Variants in MUC22 observed in about 807,000 individuals in gnomAD.
The protein encoded by MUC22 is mucin-22.
A neutral mutation model predicts 40.3 loss-of-function variants in MUC22; 24 were observed. The observed-to-expected ratio is 0.60, with a 90% confidence interval of 0.43 to 0.84. The LOEUF is 0.84. MUC22 is among the 40% of genes least tolerant of loss of function. The pLI is 0.00. For synonymous variants in MUC22, 765 were observed against 844.5 expected, an observed-to-expected ratio of 0.91 and a Z score of 1.63; for missense variants, 1,926 against 2,130.7, an observed-to-expected ratio of 0.90 and a Z score of 1.89.
chr6:31,029,806 T>C (rs1003145669), exon 2 of MUC22: 6 of 1,475,630 alleles, frequency 4.1e-6, no homozygotes, highest in Non-Finnish European at 4.5e-6. Flanking sequence ...CACCACAGCC[T>C]CCACTTCAGG....
intron 1 of MUC22, among the ~76,000 whole-genome samples, chr6:31,020,153 C>T (rs1764564251): frequency 6.6e-6 from 1 of 151,992 alleles, no homozygotes; most frequent in Non-Finnish European, 1.5e-5. Flanking sequence ...AAAAATCATA[C>T]CAAAGTACAA....
In MUC22 at chr6:31,011,980, T is replaced by C. The variant is rs1324169866; in HGVS notation, c.70+1204T>C. On this transcript the variant is annotated intron_variant, in intron 1 of 3. Transcript: ENST00000561890. This position sits in a 1 kb window ranked among gnomAD's most constrained non-coding sequence, Gnocchi z 4.5. The stretch of plus-strand genomic sequence containing the variant: ...GCCACTGAGGGGTTGGCTCTGACAT[T>C]GGATCAGCAATGGCTGTGAAAGGAA... 1.3e-5 allele frequency among the ~76,000 whole-genome samples: 2 copies of C among 152,180 alleles called. No homozygotes were observed. Among genetic ancestry groups the C allele is most frequent in the Non-Finnish European group, 2.9e-5 (2 of 68,026 alleles).
chr6:31,029,711 C>A, exon 2 of MUC22: 1 of 1,534,654 alleles, frequency 6.5e-7, no homozygotes, highest in South Asian at 1.2e-5. Context: ...GAGGCCACCA[C>A]CACCTCTACT....
At chr6:31,031,880 G>T (rs113454287) in intron 2 of MUC22, among the ~76,000 whole-genome samples, 4,071 of 152,184 alleles carry the variant, frequency 0.027, 86 homozygotes, top group African/African-American at 0.047. Flanking sequence ...TTCTATTTGG[G>T]TGGCCACTTC....
chr6:31,006,159 G>T, upstream of MUC22: 1 of 388,256 alleles, frequency 2.6e-6, no homozygotes, highest in Non-Finnish European at 5.0e-6. Context: ...ATATTTTCTT[G>T]AAAATATGGA....
At chr6:31,029,119 A>T (rs1048336098) in exon 2 of MUC22, 4 of 1,534,518 alleles carry the variant, frequency 2.6e-6, no homozygotes, top group Non-Finnish European at 2.6e-6. Context: ...CACGGCCTCT[A>T]CTGCAGGCTC....
rs183466833 is a variant in MUC22, at chr6:31,017,560, A to T, written c.70+6784A>T. ...TAGCTAAGGGATTGTAAATACACCA[A>T]TCAGCACCCTGTGTCTCGCTCAAGG... is the stretch of plus-strand genomic sequence containing the variant. On this transcript the variant is annotated intron_variant, in intron 1 of 3. Coordinates refer to ENST00000561890, the Ensembl canonical transcript of MUC22. 2.0e-3 allele frequency among the ~76,000 whole-genome samples: 309 copies of T among 152,276 alleles called. 1 individual carries two copies. The highest frequency in any genetic ancestry group is 6.9e-3 in the African/African-American group (285 of 41,552).
intron 1 of MUC22, among the ~76,000 whole-genome samples, chr6:31,023,662 T>C (rs188803036): frequency 1.3e-5 from 2 of 152,208 alleles, no homozygotes; most frequent in East Asian, 3.9e-4. Context: ...AAATAAATAA[T>C]ATTCAACCAA....
chr6:31,021,032 AGC>A (rs9278839), intron 1 of MUC22, among the ~76,000 whole-genome samples: 26,876 of 152,004 alleles, frequency 0.18, 2,489 homozygotes, highest in African/African-American at 0.2. Flanking sequence ...GTGCGGCCGG[AGC>A]CTCCCCGATG....
rs1219542003 is a variant in MUC22 at position 31,011,104 on chromosome 6, T to C, written c.70+328T>C. ...TTGTATCTTGGATAAAAGTTTTTTT[T>C]TTTAACCGGAAAACTCTAGTTCCAA... On this transcript the variant is annotated intron_variant, in intron 1 of 3. Transcript: ENST00000561890. This position sits in a 1 kb window ranked among gnomAD's most constrained non-coding sequence, Gnocchi z 4.5. Among the ~76,000 whole-genome samples the C allele has an allele frequency of 6.6e-6, 1 of 152,102 alleles. No homozygotes were observed.
rs1397537237 is a variant in MUC22 at position 31,030,053 on chromosome 6, AG to A, written c.4624del (p.Ala1542ProfsTer50). The A allele has an allele frequency of 6.5e-7, 1 of 1,535,452 alleles. No homozygotes were observed. The highest frequency in any genetic ancestry group is 1.2e-5 in the South Asian group (1 of 83,992). On this transcript the variant is annotated frameshift_variant, in exon 2 of 4. Transcript: ENST00000561890. LOFTEE classifies it high-confidence loss of function. ...TCTTCCACCACGTTTGTACTCACCA[AG>A]GCCACTGACGTTTCTATCCAGCCCA...
chr6:31,029,260 A>AC lies in MUC22; in HGVS notation c.3829_3830insC (p.Ile1277ThrfsTer5). On this transcript the variant is annotated frameshift_variant, in exon 2 of 4. Transcript: ENST00000561890. LOFTEE classifies it high-confidence loss of function. ...CTCTACCACAGGCACTGAGACTACC[A>AC]TCACCTCTACTGAAGGTTCAGAGAC... The AC allele has an allele frequency of 6.5e-7, 1 of 1,534,602 alleles. No individual in the cohort carries two copies. Among genetic ancestry groups the AC allele is most frequent in the Non-Finnish European group, 8.7e-7 (1 of 1,146,436 alleles).
Position 31,025,491 on chromosome 6 carries a change from C to T in MUC22, c.71-11C>T, listed in dbSNP as rs1765202024. 8.1e-6 allele frequency: 12 copies of T among 1,477,314 alleles called. No individual in the cohort carries two copies. The South Asian group carries it at 1.4e-4, about 17-fold the overall frequency. The allele number at this position is 1,477,314 out of a possible 1,614,324, so 91.5% of individuals were successfully genotyped here. A position where few individuals can be genotyped will look rare whatever the true frequency, so the allele number is the denominator to read the frequency against. ...ACCCATTCCCACCACCTTATTTGTT[C>T]TCCACCTCAGGCTCTGAGAATACCA... On this transcript the variant is annotated splice_polypyrimidine_tract_variant and intron_variant, in intron 1 of 3. Coordinates refer to ENST00000561890, the Ensembl canonical transcript of MUC22.
exon 1 of MUC22, chr6:31,010,600 T>C: frequency 1.5e-6 from 1 of 646,152 alleles, no homozygotes; most frequent in Non-Finnish European, 2.8e-6. Flanking sequence ...AACTTTATTT[T>C]CTATCAAGGC....
At chr6:31,006,587 G>A (rs913927718), upstream of MUC22, among the ~76,000 whole-genome samples, 7 of 152,068 alleles carry the variant, frequency 4.6e-5, no homozygotes. Flanking sequence ...GCTTGCGTAG[G>A]GGCAGGGAGT....
At chr6:31,015,007 G>A (rs1764094903) in intron 1 of MUC22, among the ~76,000 whole-genome samples, 1 of 152,004 alleles carries the variant, frequency 6.6e-6, no homozygotes. Context: ...CCTTTTATTG[G>A]GTTTCTGTGG....
intron 2 of MUC22, among the ~76,000 whole-genome samples, chr6:31,031,401 A>G (rs6457303): frequency 0.41 from 62,927 of 151,976 alleles, 13,294 homozygotes; most frequent in East Asian, 0.54. Flanking sequence ...ATCCAATTCT[A>G]CCATCTCCTC....
At chr6:31,029,756 G>C in exon 2 of MUC22, 1 of 1,533,662 alleles carries the variant, frequency 6.5e-7, no homozygotes, top group Non-Finnish European at 8.7e-7. Flanking sequence ...TCCACTGCAG[G>C]CTCTGAGACC....
exon 2 of MUC22, chr6:31,027,660 G>A (rs1161977958): frequency 6.7e-7 from 1 of 1,499,974 alleles, no homozygotes; most frequent in South Asian, 1.2e-5. Context: ...ATACAGGCTT[G>A]GAGACCACCA....
Sources: allele counts gnomAD v4.1 joint callset (sites outside exome capture counted in the v4.1 genomes callset), GRCh38; gene constraint gnomAD v4.1.1; non-coding constraint Gnocchi (gnomAD v3.1); transcripts MANE v1.5; gene names NCBI Gene and HGNC (gene_info 2026-07-23, HGNC 2026-07-21).